Variants in PTPN23 observed in about 807,000 individuals in gnomAD.
PTPN23 encodes tyrosine-protein phosphatase non-receptor type 23.
In PTPN23, 72 loss-of-function variants were observed where a neutral mutation model predicts 156.3. The ratio of observed to expected loss-of-function variants is 0.46; its 90% CI spans 0.38 to 0.56. PTPN23 has a LOEUF of 0.56. Ranked by LOEUF, PTPN23 falls within the 20% of genes least tolerant of loss-of-function variation. The pLI, the probability that PTPN23 is intolerant of heterozygous loss-of-function variation, is 0.00. For missense variants in PTPN23, 1,974 were observed against 2,171.5 expected (o/e 0.91, Z 1.81); for synonymous variants, 957 against 899.6 (o/e 1.06, Z -1.14).
intron 1 of PTPN23, among the ~76,000 whole-genome samples, chr3:47,393,283 G>A (rs1704812599): frequency 6.6e-6 from 1 of 152,102 alleles, no homozygotes; most frequent in African/African-American, 2.4e-5. Context: ...CTCCTGAGAA[G>A]TTGGGATTAC....
chr3:47,402,791 C>T (rs4858805), intron 2 of PTPN23, among the ~76,000 whole-genome samples: 55,845 of 152,018 alleles, frequency 0.37, 10,774 homozygotes, highest in East Asian at 0.53. Context: ...CTGCAACCTC[C>T]GCCTCCCAGA....
Position 47,406,724 on chromosome 3 carries a change from G to T in PTPN23, c.781G>T (p.Glu261Ter). 6.2e-7 allele frequency: 1 copy of T among 1,613,944 alleles called. No homozygotes were observed. The highest frequency in any genetic ancestry group is 1.1e-5 in the South Asian group (1 of 91,076). Residue 261 changes from glutamate (E) to a stop codon, truncating the protein, a stop_gained, in exon 9 of 25, where the codon GAG (glutamate) becomes TAG (stop). Coordinates refer to ENST00000265562, the MANE Select transcript of PTPN23 (RefSeq NM_015466.4). LOFTEE classifies it high-confidence loss of function. This position sits in a 1 kb window ranked among gnomAD's most constrained non-coding sequence, Gnocchi z 5.8. ...VAHLHMGKQA[E>*]EQQKFGERVA... The stretch of plus-strand genomic sequence containing the variant: ...CCAGCTGCACATGGGAAAGCAGGCC[G>T]AGGAGCAGCAGAAGTTCGGGGAGCG...
chr3:47,393,621 G>C (rs768916063), intron 1 of PTPN23, among the ~76,000 whole-genome samples: 2 of 152,224 alleles, frequency 1.3e-5, no homozygotes, highest in East Asian at 3.9e-4. Flanking sequence ...CAATCACAAT[G>C]TTATTATCAT....
Position 47,410,163 on chromosome 3 carries a change from G to T in PTPN23, c.2365G>T (p.Gly789Cys). Reference protein sequence around the residue: ...STGPGPHYLSGPLPPGTYSGP... With the variant: ...STGPGPHYLSCPLPPGTYSGP... The stretch of plus-strand genomic sequence containing the variant: ...AGGCCCAGGACCCCACTATCTCTCA[G>T]GCCCCTTGCCCCCTGGTACCTACTC... The change falls in exon 20 of 25, where the codon GGC becomes TGC. Residue 789 changes from glycine to cysteine, a missense_variant. This residue lies in a region of PTPN23 where 731 missense variants were observed against 669.1 expected (regional missense o/e 1.09). Coordinates refer to ENST00000265562, the MANE Select transcript of PTPN23 (RefSeq NM_015466.4). 1.3e-6 allele frequency: 2 copies of T among 1,594,232 alleles called. No individual in the cohort carries two copies. The highest frequency in any genetic ancestry group is 1.7e-6 in the Non-Finnish European group (2 of 1,169,240).
chr3:47,408,686 C>G (rs1452365736), intron 15 of PTPN23, 90 bp from the exon 16 acceptor site: 2 of 1,489,482 alleles, frequency 1.3e-6, no homozygotes, highest in Admixed American at 4.2e-5. Flanking sequence ...AAGCCCTGAC[C>G]TGAGGGGGCG....
chr3:47,396,038 G>A (rs922458428), intron 1 of PTPN23, 105 bp from the exon 2 acceptor site: 3 of 809,472 alleles, frequency 3.7e-6, no homozygotes, highest in Non-Finnish European at 6.0e-6. Context: ...GCTTATGGTT[G>A]TAGGTCTGCA....
rs1334992318 is a variant in PTPN23, at chr3:47,411,767, C to T, written c.3889-16C>T. On this transcript the variant is annotated splice_polypyrimidine_tract_variant and intron_variant, in intron 20 of 24. Transcript: ENST00000265562. The surrounding 1 kb of genome is among the most constrained non-coding windows in gnomAD (Gnocchi z 6.3). ...TCCTGGAAAACCAGGTCTGTCTTGG[C>T]TTATCTGTCCCTCAGCAAAAAGTGG... 1 of 1,600,812 alleles carries T rather than the reference C, an allele frequency of 6.2e-7. No homozygotes were observed. The highest frequency in any genetic ancestry group is 1.7e-5 in the Admixed American group (1 of 59,140).
At position 47,412,855 on chromosome 3, in the gene PTPN23, A is replaced by G. The variant is rs1160748581; in HGVS notation, c.4581A>G (p.Pro1527=). The G allele has an allele frequency of 6.2e-7, 1 of 1,613,044 alleles. No homozygotes were observed. The highest frequency in any genetic ancestry group is 8.5e-7 in the Non-Finnish European group (1 of 1,179,742). The change falls in exon 25 of 25, where the codon CCA becomes CCG. Residue 1527 remains proline (P), a synonymous_variant. Transcript: ENST00000265562. The part of the protein sequence containing the change: ...VASLPGPAEP[P]GLPPASLPES... ...GCTTGCCAGGCCCTGCAGAGCCCCC[A>G]GGCCTCCCGCCAGCCAGCCTCCCAG...
chr3:47,403,789 A>C (rs887428519), intron 2 of PTPN23, among the ~76,000 whole-genome samples: 2 of 152,164 alleles, frequency 1.3e-5, no homozygotes, highest in African/African-American at 4.8e-5. Context: ...TTGGCCTCCC[A>C]AAATGCTGGG....
intron 2 of PTPN23, among the ~76,000 whole-genome samples, chr3:47,400,865 C>T (rs1220211229): frequency 1.3e-5 from 2 of 151,928 alleles, no homozygotes; most frequent in Non-Finnish European, 2.9e-5. Flanking sequence ...TGAGCCACAG[C>T]ACCCGGCTTT....
rs770317369 is a variant in PTPN23 at position 47,411,053 on chromosome 3, G to A, written c.3255G>A (p.Val1085=). The change falls in exon 20 of 25, where the codon GTG becomes GTA. Residue 1085 remains valine, a synonymous_variant. Transcript: ENST00000265562. The surrounding 1 kb of genome is among the most constrained non-coding windows in gnomAD (Gnocchi z 6.3). The part of the protein sequence containing the change: ...AGQSTPSPHL[V]PSPAPSPGPG... ...AGTCCACCCCTAGTCCCCACCTGGT[G>A]CCTTCACCTGCCCCATCTCCAGGGC... is the stretch of plus-strand genomic sequence containing the variant. 7 of 1,584,474 alleles carry A rather than the reference G, an allele frequency of 4.4e-6. No homozygotes were observed. The highest frequency in any genetic ancestry group is 1.7e-4 in the Middle Eastern group (1 of 5,894).
Position 47,412,828 on chromosome 3 carries a change from C to T in PTPN23, c.4554C>T (p.Ala1518=). ...CTGGGGGGTTGGAGTCCCCGGTTGC[C>T]AGCTTGCCAGGCCCTGCAGAGCCCC... ...RPPGGLESPV[A]SLPGPAEPPG... Residue 1518 remains alanine (A), a synonymous_variant, in exon 25 of 25, where the codon GCC becomes GCT. Transcript: ENST00000265562. 6.2e-7 allele frequency: 1 copy of T among 1,613,482 alleles called. No homozygotes were observed. Among genetic ancestry groups the T allele is most frequent in the Admixed American group, 1.7e-5 (1 of 60,018 alleles).
At position 47,410,937 on chromosome 3, in the gene PTPN23, C is replaced by T; in HGVS notation, c.3139C>T (p.Pro1047Ser). ...CCCTGGGCCCCCTCAGCCTCCCCAT[C>T]CCCCACTGGCATATGGTCCTGCCCC... Reference protein sequence around the residue: ...PSPGPPQPPHPPLAYGPAPST... With the variant: ...PSPGPPQPPHSPLAYGPAPST... The change falls in exon 20 of 25, where the codon CCC becomes TCC. Residue 1047 changes from proline (P) to serine (S), a missense_variant. Around this residue, in one of 4 missense-constraint regions of PTPN23, gnomAD observed 731 missense variants for 669.1 expected, o/e 1.09. Transcript: ENST00000265562. The T allele has an allele frequency of 6.2e-7, 1 of 1,608,292 alleles. No individual in the cohort carries two copies. The highest frequency in any genetic ancestry group is 8.5e-7 in the Non-Finnish European group (1 of 1,176,190).
At chr3:47,392,987 C>T (rs1704805947) in intron 1 of PTPN23, among the ~76,000 whole-genome samples, 1 of 152,060 alleles carries the variant, frequency 6.6e-6, no homozygotes, top group Non-Finnish European at 1.5e-5. Flanking sequence ...ATGTGCGCTG[C>T]ACCTGGCTGA....
At chr3:47,402,681 T>C (rs1393803028) in intron 2 of PTPN23, among the ~76,000 whole-genome samples, 2 of 152,210 alleles carry the variant, frequency 1.3e-5, no homozygotes, top group Non-Finnish European at 2.9e-5. Flanking sequence ...AATTTTCTTT[T>C]TGTTTATGTA....
intron 3 of PTPN23, 107 bp downstream of exon 3, chr3:47,404,886 C>A: frequency 6.4e-7 from 1 of 1,574,676 alleles, no homozygotes; most frequent in Non-Finnish European, 8.7e-7. Flanking sequence ...GGGGAATGGC[C>A]TCATATGGTC....
rs767136431 is a variant in PTPN23, at chr3:47,410,709, C to T, written c.2911C>T (p.Pro971Ser). Residue 971 changes from proline to serine, a missense_variant, in exon 20 of 25, where the codon CCC becomes TCC. Physicochemically the swap from Pro to Ser is moderately conservative, Grantham distance 74. Around this residue, in one of 4 missense-constraint regions of PTPN23, gnomAD observed 731 missense variants for 669.1 expected, o/e 1.09. Coordinates refer to ENST00000265562, the MANE Select transcript of PTPN23 (RefSeq NM_015466.4). ...TCCTTCACAAGCGTTTGGGCCTCAG[C>T]CCCCACAGCAGCCCCTTCCACTCCA... ...PHPSQAFGPQ[P>S]PQQPLPLQHP... is the part of the protein sequence containing the mutation. 6.3e-7 allele frequency: 1 copy of T among 1,594,692 alleles called. No individual in the cohort carries two copies. The highest frequency in any genetic ancestry group is 8.5e-7 in the Non-Finnish European group (1 of 1,171,180).
intron 2 of PTPN23, among the ~76,000 whole-genome samples, chr3:47,397,053 C>T (rs183813825): frequency 6.6e-6 from 1 of 152,132 alleles, no homozygotes; most frequent in African/African-American, 2.4e-5. Context: ...AATAGGGAGC[C>T]TGAGGAGAGG....
At chr3:47,385,936 C>T (rs1434994455) in intron 1 of PTPN23, among the ~76,000 whole-genome samples, 2 of 152,204 alleles carry the variant, frequency 1.3e-5, no homozygotes, top group Non-Finnish European at 2.9e-5. Context: ...CCTATGAGAA[C>T]TTTCAGCTTC....
Sources: gnomAD v4.1 joint callset for allele counts (sites outside exome capture counted in the v4.1 genomes callset) on GRCh38, gnomAD v4.1.1 for gene constraint, gnomAD v4.1.1 regional missense constraint, Gnocchi (gnomAD v3.1) non-coding constraint, MANE v1.5 for transcripts, NCBI Gene and HGNC (gene_info 2026-07-23, HGNC 2026-07-21) for gene names.